MALT1: variants seen among roughly 807,000 people sequenced by gnomAD.
MALT1 encodes mucosa-associated lymphoid tissue lymphoma translocation protein 1.
In MALT1, 36 loss-of-function variants were observed where a neutral mutation model predicts 85.5. The observed-to-expected ratio is 0.42, with a 90% CI of 0.32 to 0.56. The LOEUF (loss-of-function observed/expected upper bound fraction) is 0.56, where lower values mean the gene tolerates loss of function less well. MALT1 is among the 20% of genes least tolerant of loss of function. MALT1 has a pLI of 0.10. For synonymous variants in MALT1, 359 were observed against 361.3 expected (o/e 0.99, Z 0.07); for missense variants, 716 against 981.6 (o/e 0.73, Z 3.62).
chr18:58,725,348 A>C (rs2055040158), intron 10 of MALT1, among the ~76,000 whole-genome samples: 1 of 152,076 alleles, frequency 6.6e-6, no homozygotes, highest in Non-Finnish European at 1.5e-5. Context: ...AAAGAAAAAC[A>C]TAAATGAGTT....
chr18:58,680,050 C>G (rs1182779030), intron 1 of MALT1, among the ~76,000 whole-genome samples: 1 of 151,966 alleles, frequency 6.6e-6, no homozygotes, highest in Non-Finnish European at 1.5e-5. Context: ...AATAAATGCA[C>G]ATAAAAAAAT....
intron 10 of MALT1, among the ~76,000 whole-genome samples, chr18:58,732,780 A>G (rs2055169606): frequency 7.7e-6 from 1 of 129,840 alleles, no homozygotes; most frequent in South Asian, 2.5e-4. Context: ...TTTATATATC[A>G]TAACATAAAA....
rs1389608277 is a variant in MALT1, at chr18:58,700,458, A to C, written c.516A>C (p.Thr172=). The C allele has an allele frequency of 1.2e-6, 2 of 1,603,130 alleles. No individual in the cohort carries two copies. Among genetic ancestry groups the C allele is most frequent in the Non-Finnish European group, 1.7e-6 (2 of 1,177,068 alleles). Residue 172 remains threonine, a synonymous_variant, in exon 4 of 17, where the codon ACA becomes ACC. Transcript: ENST00000649217. ...KMNKEIPNGN[T]SELIFNAVHV... is the part of the protein sequence containing the mutation. ...TTTCACAGATTCCAAATGGAAATAC[A>C]TCAGAGCTTATTTTTAATGCAGTGC...
intron 2 of MALT1, among the ~76,000 whole-genome samples, chr18:58,687,472 G>A (rs772759695): frequency 6.6e-6 from 1 of 152,210 alleles, no homozygotes; most frequent in Non-Finnish European, 1.5e-5. Context: ...ACCTACTTTG[G>A]TTATATACTG....
At chr18:58,699,597 T>G (rs181743498) in intron 3 of MALT1, among the ~76,000 whole-genome samples, 47 of 152,356 alleles carry the variant, frequency 3.1e-4, no homozygotes, top group Non-Finnish European at 5.7e-4. Flanking sequence ...CATTGTATAC[T>G]TAAAAGTTCA....
At chr18:58,706,476 G>C (rs984611885) in intron 4 of MALT1, among the ~76,000 whole-genome samples, 1 of 152,162 alleles carries the variant, frequency 6.6e-6, no homozygotes, top group Non-Finnish European at 1.5e-5. Context: ...AATTTTTAAA[G>C]ATTTTGTTTA....
intron 9 of MALT1, among the ~76,000 whole-genome samples, chr18:58,718,349 A>T (rs1249442947): frequency 6.6e-6 from 1 of 152,220 alleles, no homozygotes; most frequent in African/African-American, 2.4e-5. Context: ...TATGACAGGC[A>T]TCCCCCACCC....
intron 6 of MALT1, among the ~76,000 whole-genome samples, 158 bp downstream of exon 6, chr18:58,710,230 A>C (rs2054813879): frequency 6.6e-6 from 1 of 152,254 alleles, no homozygotes; most frequent in African/African-American, 2.4e-5. Context: ...GAAATTTGAA[A>C]GAATGCATAC....
intron 9 of MALT1, among the ~76,000 whole-genome samples, chr18:58,720,120 AT>A (rs1309816256): frequency 1.3e-5 from 2 of 152,162 alleles, no homozygotes; most frequent in African/African-American, 2.4e-5. Flanking sequence ...ATCCACTGGC[AT>A]TTTTGTTTCA....
chr18:58,719,783 C>T (rs1159843533), intron 9 of MALT1, among the ~76,000 whole-genome samples: 9 of 152,220 alleles, frequency 5.9e-5, no homozygotes, highest in African/African-American at 1.7e-4. Flanking sequence ...TAGTCCTCTA[C>T]CTTCCAGCAA....
chr18:58,694,963 T>C (rs7233771), intron 2 of MALT1, among the ~76,000 whole-genome samples: 27,654 of 152,154 alleles, frequency 0.18, 3,291 homozygotes, highest in African/African-American at 0.33. Context: ...TGAATTCCCA[T>C]GTGTTGTGGG....
Position 58,730,232 on chromosome 18 carries a change from G to T in MALT1, c.1223-3165G>T, listed in dbSNP as rs577336545. Reference sequence around the variant, plus strand: ...TGATTTCAGTATCTTCACAAAGTGGGCATCAGTCACCACTACCTAACTTCA... The same window carrying T: ...TGATTTCAGTATCTTCACAAAGTGGTCATCAGTCACCACTACCTAACTTCA... On this transcript the variant is annotated intron_variant, in intron 10 of 16. Coordinates refer to ENST00000649217, the MANE Select transcript of MALT1 (RefSeq NM_006785.4). 7.2e-5 allele frequency among the ~76,000 whole-genome samples: 11 copies of T among 152,198 alleles called. No homozygotes were observed. In the South Asian group the frequency reaches 2.3e-3, roughly 32 times the overall value.
chr18:58,743,829 C>T (rs1269267596), intron 14 of MALT1, among the ~76,000 whole-genome samples: 3 of 152,124 alleles, frequency 2.0e-5, no homozygotes, highest in Non-Finnish European at 4.4e-5. Context: ...TATGCTGAAA[C>T]TTTATATTCC....
chr18:58,703,129 C>A (rs570686953), intron 4 of MALT1, among the ~76,000 whole-genome samples: 1 of 152,256 alleles, frequency 6.6e-6, no homozygotes, highest in South Asian at 2.1e-4. Context: ...GAGGCCGAGG[C>A]AGGCAGATCA....
rs898568328 is a variant in MALT1, at chr18:58,751,422, T to C, written c.*3580T>C. ...TTTTTTTTTTTTTAAGACAGAGTCC[T>C]GGCTCTGTCGCCCAGGCTGGAGTGC... On this transcript the variant is annotated 3_prime_UTR_variant, in exon 17 of 17. Coordinates refer to ENST00000649217, the MANE Select transcript of MALT1 (RefSeq NM_006785.4). 5.9e-5 allele frequency: 9 copies of C among 152,120 alleles called. No homozygotes were observed. The highest frequency in any genetic ancestry group is 2.2e-4 in the African/African-American group (9 of 41,548). The allele number at this position is 152,120 out of a possible 1,614,324, so 9.4% of individuals were successfully genotyped here. A position where few individuals can be genotyped will look rare whatever the true frequency, so the allele number is the denominator to read the frequency against.
intron 4 of MALT1, among the ~76,000 whole-genome samples, chr18:58,701,392 T>C (rs2054670594): frequency 6.6e-6 from 1 of 152,240 alleles, no homozygotes; most frequent in South Asian, 2.1e-4. Context: ...GTCATACTTT[T>C]ATGACTCTTT....
intron 15 of MALT1, 53 bp downstream of exon 15, chr18:58,744,548 A>G (rs986786409): frequency 4.1e-5 from 51 of 1,234,840 alleles, no homozygotes; most frequent in Non-Finnish European, 5.1e-5. Context: ...CTTATTAAAG[A>G]CTAAATTTTT....
intron 10 of MALT1, among the ~76,000 whole-genome samples, chr18:58,728,604 CAAAT>C (rs1010266578): frequency 1.4e-4 from 22 of 152,060 alleles, no homozygotes; most frequent in African/African-American, 2.4e-4. Flanking sequence ...GACCCTGTCT[CAAAT>C]AAATAAATAA....
In MALT1 at chr18:58,750,824, T is replaced by C. The variant is rs1035542463; in HGVS notation, c.*2982T>C. On this transcript the variant is annotated 3_prime_UTR_variant, in exon 17 of 17. Transcript: ENST00000649217. ...GATGTTGGGCTTAGGAATGGTTTCT[T>C]AGACATAATACCAAAAGCACAAGCA... The C allele has an allele frequency of 3.3e-5, 5 of 152,298 alleles. No homozygotes were observed. The East Asian group carries it at 5.8e-4, about 18-fold the overall frequency. 9.4% of individuals were successfully genotyped at this position (152,298 alleles called of 1,614,324 possible). A position where few individuals can be genotyped will look rare whatever the true frequency, so the allele number is the denominator to read the frequency against.
Sources: allele counts gnomAD v4.1 joint callset (sites outside exome capture counted in the v4.1 genomes callset), GRCh38; gene constraint gnomAD v4.1.1; transcripts MANE v1.5; gene names NCBI Gene and HGNC (gene_info 2026-07-23, HGNC 2026-07-21).